The following UBXN7 variants were observed in gnomAD, a reference collection of about 807,000 sequenced individuals.
UBXN7 encodes UBX domain protein 7.
A neutral mutation model predicts 58.0 loss-of-function variants in UBXN7; 9 were observed. That is an observed-to-expected ratio of 0.16 (90% confidence interval 0.09 to 0.27). UBXN7 has a LOEUF of 0.27. UBXN7 is among the 10% of genes least tolerant of loss of function. The probability of loss-of-function intolerance (pLI) is 1.00; values close to 1 mark genes in which losing one functional copy is unlikely to be tolerated. For synonymous variants in UBXN7, 208 were observed against 205.0 expected, an observed-to-expected ratio of 1.01 and a Z score of -0.12; for missense variants, 328 against 599.6, an observed-to-expected ratio of 0.55 and a Z score of 4.73.
chr3:196,426,788 C>T (rs1300415550), intron 1 of UBXN7, among the ~76,000 whole-genome samples: 1 of 151,048 alleles, frequency 6.6e-6, no homozygotes, highest in Non-Finnish European at 1.5e-5. Flanking sequence ...GTGGAGGCTG[C>T]AGTGAGCCAA....
At chr3:196,386,346 C>G (rs936936769) in intron 5 of UBXN7, among the ~76,000 whole-genome samples, 1 of 144,682 alleles carries the variant, frequency 6.9e-6, no homozygotes, top group Admixed American at 7.1e-5. Context: ...ACATCCCCCT[C>G]TCCGAGAAAC....
rs1278506889 is a variant in UBXN7, at chr3:196,362,322, A to C, written c.1200T>G (p.Asp400Glu). 3 of 1,611,150 alleles carry C rather than the reference A, an allele frequency of 1.9e-6. No individual in the cohort carries two copies. The South Asian group carries it at 3.3e-5, about 18-fold the overall frequency. Residue 400 changes from aspartate (D) to glutamate (E), a missense_variant, in exon 9 of 11, where the codon GAT (aspartate) becomes GAG (glutamate). By Grantham distance (45) the Asp-to-Glu change is conservative (BLOSUM62 2). This residue lies in a region of UBXN7 where 66 missense variants were observed against 77.9 expected (regional missense o/e 0.85). Transcript: ENST00000296328. Reference protein sequence around the residue: ...EILEMPPEKADGVVEGIDVNG... With the variant: ...EILEMPPEKAEGVVEGIDVNG... ...TTACATCTATCCCCTCCACTACTCCATCTGCTTTTTCAGGTGGCATCTCCA... is the reference window on the plus strand; with the variant it reads ...TTACATCTATCCCCTCCACTACTCCCTCTGCTTTTTCAGGTGGCATCTCCA...
At chr3:196,369,281 T>C in intron 7 of UBXN7, 140 bp downstream of exon 7, 2 of 679,608 alleles carry the variant, frequency 2.9e-6, no homozygotes, top group South Asian at 3.5e-5. Context: ...GTTTAAATAA[T>C]TATAAAGGGA....
chr3:196,357,703 C>CA (rs1560216676), intron 10 of UBXN7, among the ~76,000 whole-genome samples: 1 of 151,940 alleles, frequency 6.6e-6, no homozygotes, highest in African/African-American at 2.4e-5. Context: ...ACTAAAAATA[C>CA]AAAAAAATTA....
At chr3:196,369,372 C>A (rs754513631) in intron 7 of UBXN7, 49 bp downstream of exon 7, 1 of 1,377,678 alleles carries the variant, frequency 7.3e-7, no homozygotes, top group Non-Finnish European at 1.0e-6. Context: ...ATTTAGGTAA[C>A]TGAAAGACAA....
intron 4 of UBXN7, among the ~76,000 whole-genome samples, chr3:196,393,287 T>C (rs1396211298): frequency 1.3e-5 from 2 of 152,218 alleles, no homozygotes; most frequent in Admixed American, 6.5e-5. Context: ...ATAGTAAGCA[T>C]TTTAAGTGTT....
intron 5 of UBXN7, among the ~76,000 whole-genome samples, chr3:196,376,691 A>T (rs1040023511): frequency 1.3e-5 from 2 of 151,926 alleles, no homozygotes; most frequent in Admixed American, 6.6e-5. Context: ...CTTAGTAATT[A>T]GAGCTAGGTG....
chr3:196,412,230 CAAAAAA>C (rs55746914), intron 1 of UBXN7, among the ~76,000 whole-genome samples: 140 of 89,120 alleles, frequency 1.6e-3, no homozygotes, highest in African/African-American at 2.1e-3. Context: ...GACTTTGTCT[CAAAAAA>C]AAAAAAAAAA....
chr3:196,385,115 G>T (rs2108841408), intron 5 of UBXN7, among the ~76,000 whole-genome samples: 1 of 152,290 alleles, frequency 6.6e-6, no homozygotes, highest in East Asian at 1.9e-4. Flanking sequence ...TGATTCTCCT[G>T]CCTCAGCCTG....
rs1441138684 is a variant in UBXN7, at chr3:196,356,322, TG to T, written c.*362del. On this transcript the variant is annotated 3_prime_UTR_variant, in exon 11 of 11. Coordinates refer to ENST00000296328, the MANE Select transcript of UBXN7 (RefSeq NM_015562.2). ...GAGTCTGGGGAGTAACGTTAACATT[TG>T]ATCCCAAAAAAGTGCCGTGCAAGAG... 6.0e-6 allele frequency: 1 copy of T among 165,754 alleles called. No homozygotes were observed. The highest frequency in any genetic ancestry group is 2.4e-5 in the African/African-American group (1 of 41,746). 10.3% of individuals were successfully genotyped at this position (165,754 alleles called of 1,614,324 possible). A position where few individuals can be genotyped will look rare whatever the true frequency, so the allele number is the denominator to read the frequency against.
intron 8 of UBXN7, among the ~76,000 whole-genome samples, chr3:196,363,107 G>C (rs1002472678): frequency 1.3e-5 from 2 of 151,504 alleles, no homozygotes; most frequent in African/African-American, 4.9e-5. Flanking sequence ...TTTTAATAGA[G>C]ATGGGGTTTC....
chr3:196,375,040 A>AAGGAAGGAAGGGAGGG (rs1356697769), intron 5 of UBXN7, among the ~76,000 whole-genome samples: 4 of 135,298 alleles, frequency 3.0e-5, no homozygotes, highest in East Asian at 2.1e-4. Context: ...GGAAGGAAGG[A>AAGGAAGGAAGGGAGGG]AGGGAAAGGA....
chr3:196,385,535 G>A (rs559642175), intron 5 of UBXN7, among the ~76,000 whole-genome samples: 19 of 151,790 alleles, frequency 1.3e-4, no homozygotes, highest in South Asian at 6.3e-4. Context: ...CCTCTGCCCC[G>A]CCACCCCATC....
intron 6 of UBXN7, among the ~76,000 whole-genome samples, 153 bp downstream of exon 6, chr3:196,371,743 A>G (rs540979902): frequency 2.0e-5 from 3 of 152,276 alleles, no homozygotes; most frequent in African/African-American, 4.8e-5. Context: ...TCAGCCTCCC[A>G]AAGTGCTGGG....
intron 1 of UBXN7, among the ~76,000 whole-genome samples, chr3:196,420,309 G>C (rs1312555871): frequency 6.6e-6 from 1 of 152,036 alleles, no homozygotes; most frequent in Non-Finnish European, 1.5e-5. Flanking sequence ...AAGGTGGGTG[G>C]ATCACCTGAA....
Position 196,403,982 on chromosome 3 carries a change from C to T in UBXN7, c.222-963G>A, listed in dbSNP as rs1730076249. On this transcript the variant is annotated intron_variant, in intron 2 of 10. Coordinates refer to ENST00000296328, the MANE Select transcript of UBXN7 (RefSeq NM_015562.2). ...GTTTATTTTAGGTTGGGCATGGTGGCTCATGCCTGTAATCCCAGTACTTTG... is the reference window on the plus strand; with the variant it reads ...GTTTATTTTAGGTTGGGCATGGTGGTTCATGCCTGTAATCCCAGTACTTTG... Among the ~76,000 whole-genome samples, 4 of 151,724 alleles carry T rather than the reference C, an allele frequency of 2.6e-5. 1 individual carries two copies. The South Asian group carries it at 8.3e-4, about 32-fold the overall frequency.
chr3:196,428,310 T>A (rs907071034), intron 1 of UBXN7, among the ~76,000 whole-genome samples: 1 of 151,672 alleles, frequency 6.6e-6, no homozygotes, highest in Non-Finnish European at 1.5e-5. Flanking sequence ...GTATTTTAGC[T>A]GGGCATGGTG....
At chr3:196,387,209 T>C (rs1729432564) in intron 5 of UBXN7, among the ~76,000 whole-genome samples, 1 of 152,192 alleles carries the variant, frequency 6.6e-6, no homozygotes, top group Non-Finnish European at 1.5e-5. Context: ...ATTTAATAAA[T>C]GGTGCTGGGA....
intron 1 of UBXN7, among the ~76,000 whole-genome samples, chr3:196,423,814 C>T (rs893725988): frequency 1.3e-4 from 19 of 151,736 alleles, no homozygotes; most frequent in Admixed American, 2.6e-4. Context: ...AGAGAGCCAT[C>T]TTGAAGCTAA....
Sources: allele counts gnomAD v4.1 joint callset (sites outside exome capture counted in the v4.1 genomes callset), GRCh38; gene constraint gnomAD v4.1.1; regional missense constraint gnomAD v4.1.1; transcripts MANE v1.5; gene names NCBI Gene and HGNC (gene_info 2026-07-23, HGNC 2026-07-21).